MED27: variants seen among roughly 807,000 people sequenced by gnomAD.
MED27 encodes mediator complex subunit 27, also known as mediator of RNA polymerase II transcription subunit 27.
Under a neutral mutation model 38.2 loss-of-function variants are expected in MED27, and 30 were observed. That is an observed-to-expected ratio of 0.79 (90% CI 0.59 to 1.07). The LOEUF is 1.07. Among genes scored for constraint, MED27 ranks in the 50% least tolerant of loss-of-function variants. The probability of loss-of-function intolerance (pLI) is 0.00; values close to 1 mark genes in which losing one functional copy is unlikely to be tolerated. For missense variants in MED27, 289 were observed against 397.5 expected, an observed-to-expected ratio of 0.73 and a Z score of 2.32; for synonymous variants, 122 against 153.5, an observed-to-expected ratio of 0.79 and a Z score of 1.52.
intron 3 of MED27, among the ~76,000 whole-genome samples, chr9:131,970,883 A>T (rs576938910): frequency 6.6e-6 from 1 of 152,360 alleles, no homozygotes; most frequent in African/African-American, 2.4e-5. Context: ...CAAACTGTAA[A>T]AAGGCATTTT....
chr9:132,009,708 A>T (rs1302701927), intron 3 of MED27, among the ~76,000 whole-genome samples: 1 of 152,242 alleles, frequency 6.6e-6, no homozygotes, highest in Admixed American at 6.5e-5. Flanking sequence ...CCACTCCTGG[A>T]TTCCTAATCC....
chr9:131,934,876 A>G (rs1222238153), intron 4 of MED27, among the ~76,000 whole-genome samples: 3 of 152,210 alleles, frequency 2.0e-5, no homozygotes, highest in Non-Finnish European at 2.9e-5. Context: ...AGTACTATTC[A>G]GCCATAAAAA....
At chr9:131,930,156 A>G (rs1026339367) in intron 4 of MED27, among the ~76,000 whole-genome samples, 1 of 152,246 alleles carries the variant, frequency 6.6e-6, no homozygotes. Context: ...GGTCTTAAAG[A>G]GGAGGTAGAG....
chr9:131,962,032 G>A (rs1282927863), intron 3 of MED27, among the ~76,000 whole-genome samples: 3 of 152,190 alleles, frequency 2.0e-5, no homozygotes, highest in Non-Finnish European at 4.4e-5. Flanking sequence ...CAGGCTAGCT[G>A]ACTGGTTTAA....
At chr9:131,920,828 G>C (rs1267467256) in intron 4 of MED27, among the ~76,000 whole-genome samples, 1 of 152,038 alleles carries the variant, frequency 6.6e-6, no homozygotes, top group Non-Finnish European at 1.5e-5. Context: ...CTGTCACAGG[G>C]GACACAGGCT....
chr9:132,013,205 G>A (rs1489754804), intron 3 of MED27, among the ~76,000 whole-genome samples: 1 of 152,148 alleles, frequency 6.6e-6, no homozygotes, highest in Non-Finnish European at 1.5e-5. Context: ...CAGGTTGAAC[G>A]AACCAAGTGG....
intron 3 of MED27, among the ~76,000 whole-genome samples, chr9:131,981,931 AC>A (rs1485264623): frequency 6.6e-6 from 1 of 152,182 alleles, no homozygotes; most frequent in African/African-American, 2.4e-5. Context: ...GGAGGAAAGC[AC>A]CTAGGGAAAG....
chr9:131,871,676 A>G (rs1838837406), intron 6 of MED27, among the ~76,000 whole-genome samples: 1 of 152,020 alleles, frequency 6.6e-6, no homozygotes, highest in Non-Finnish European at 1.5e-5. Flanking sequence ...CAGTCTCTCA[A>G]ATAGCTGGGA....
intron 3 of MED27, among the ~76,000 whole-genome samples, chr9:131,964,342 TGGTGGAGGTGATGGTAGA>T (rs1831291061): frequency 1.4e-5 from 2 of 142,030 alleles, no homozygotes; most frequent in African/African-American, 2.6e-5. Context: ...ATGGTGGTGG[TGGTGGAGGTGATGGTAGA>T]GGTGATGGTA....
intron 2 of MED27, among the ~76,000 whole-genome samples, chr9:132,068,902 G>A (rs1027328859): frequency 2.6e-5 from 4 of 152,198 alleles, no homozygotes; most frequent in African/African-American, 7.2e-5. Flanking sequence ...AGAGAAGGGA[G>A]AGAAGCACTA....
chr9:131,957,789 A>T (rs1432015654), intron 3 of MED27, among the ~76,000 whole-genome samples: 1 of 152,006 alleles, frequency 6.6e-6, no homozygotes, highest in Non-Finnish European at 1.5e-5. Flanking sequence ...CTCTCAAAAG[A>T]CACATCTGGC....
intron 4 of MED27, among the ~76,000 whole-genome samples, chr9:131,903,679 C>T (rs1385643159): frequency 1.3e-5 from 2 of 152,186 alleles, no homozygotes; most frequent in African/African-American, 4.8e-5. Context: ...CTATTGGACA[C>T]TGCACTCAGT....
chr9:132,045,331 A>G (rs1833306639), intron 2 of MED27, among the ~76,000 whole-genome samples: 1 of 151,608 alleles, frequency 6.6e-6, no homozygotes, highest in Admixed American at 6.6e-5. Context: ...AGAATGTTGT[A>G]TGTATGGTGT....
chr9:131,901,786 G>T (rs1221807073), intron 4 of MED27, among the ~76,000 whole-genome samples: 1 of 152,102 alleles, frequency 6.6e-6, no homozygotes, highest in African/African-American at 2.4e-5. Context: ...TTACCCCTTT[G>T]CTCTGGAACA....
At chr9:132,008,200 C>T (rs1251209265) in intron 3 of MED27, among the ~76,000 whole-genome samples, 1 of 152,154 alleles carries the variant, frequency 6.6e-6, no homozygotes, top group Admixed American at 6.5e-5. Flanking sequence ...ATTAGAAAAT[C>T]GAGGCTGCTA....
chr9:131,970,678 C>T (rs144501954), intron 3 of MED27, among the ~76,000 whole-genome samples: 29 of 152,144 alleles, frequency 1.9e-4, no homozygotes, highest in African/African-American at 5.5e-4. Context: ...GAAGAACATG[C>T]GAAATGAGAA....
intron 2 of MED27, among the ~76,000 whole-genome samples, chr9:132,061,138 G>C (rs1833687629): frequency 6.6e-6 from 1 of 152,220 alleles, no homozygotes; most frequent in East Asian, 1.9e-4. Context: ...TAGAAAGGGG[G>C]GCGGCAAAAG....
intron 2 of MED27, among the ~76,000 whole-genome samples, chr9:132,048,190 C>T (rs945552813): frequency 4.6e-5 from 7 of 152,122 alleles, no homozygotes; most frequent in Admixed American, 4.6e-4. Context: ...AATTTTTCTT[C>T]TATCTTGCAA....
At chr9:132,035,700 T>C (rs927105091) in intron 2 of MED27, among the ~76,000 whole-genome samples, 6 of 152,206 alleles carry the variant, frequency 3.9e-5, no homozygotes, top group African/African-American at 1.4e-4. Context: ...TGGTGGCTCA[T>C]GCCTGTCACC....
Sources: gnomAD v4.1 joint callset for allele counts (sites outside exome capture counted in the v4.1 genomes callset) on GRCh38, gnomAD v4.1.1 for gene constraint, MANE v1.5 for transcripts, NCBI Gene and HGNC (gene_info 2026-07-23, HGNC 2026-07-21) for gene names.